ASB1: variants seen among roughly 807,000 people sequenced by gnomAD.
ASB1 encodes ankyrin repeat and SOCS box protein 1.
In ASB1, 18 loss-of-function variants were observed where a neutral mutation model predicts 27.7. The observed-to-expected ratio is 0.65, with a 90% CI of 0.45 to 0.96. The LOEUF is 0.96. Ranked by LOEUF, ASB1 falls within the 50% of genes least tolerant of loss-of-function variation. ASB1 has a pLI of 0.00. For synonymous variants in ASB1, 189 were observed against 187.6 expected, an observed-to-expected ratio of 1.01 and a Z score of -0.06; for missense variants, 397 against 451.7, an observed-to-expected ratio of 0.88 and a Z score of 1.10.
chr2:238,432,491 C>T (rs1173259826), intron 1 of ASB1, among the ~76,000 whole-genome samples: 2 of 152,142 alleles, frequency 1.3e-5, no homozygotes, highest in Non-Finnish European at 1.5e-5. Flanking sequence ...GTCAAGTGCA[C>T]CTGTCTGAGG....
chr2:238,444,076 A>G (rs568561085), intron 3 of ASB1, among the ~76,000 whole-genome samples: 1 of 152,314 alleles, frequency 6.6e-6, no homozygotes, highest in South Asian at 2.1e-4. Context: ...GAAATAGTTT[A>G]AATAGCCTTG....
In ASB1 at chr2:238,444,672, GAGAGGA is replaced by G. The variant is rs758826696; in HGVS notation, c.829_834del (p.Gly277_Arg278del). On this transcript the variant is annotated inframe_deletion, in exon 4 of 5. Coordinates refer to ENST00000264607, the MANE Select transcript of ASB1 (RefSeq NM_001040445.3). The stretch of plus-strand genomic sequence containing the variant: ...AGTGGGAATCGCTGGGCCCAGAGTC[GAGAGGA>G]AGAAGAAAAGTGGACCCTGAGGCCT... The G allele has an allele frequency of 6.2e-7, 1 of 1,614,108 alleles. No homozygotes were observed. The highest frequency in any genetic ancestry group is 1.3e-5 in the African/African-American group (1 of 75,026).
intron 1 of ASB1, among the ~76,000 whole-genome samples, chr2:238,429,249 G>C (rs1370789369): frequency 8.5e-5 from 13 of 152,212 alleles, no homozygotes; most frequent in Admixed American, 7.9e-4. Context: ...ATACCTGCCT[G>C]TCTGGTCTCA....
chr2:238,436,473 T>G (rs1252359244), intron 3 of ASB1, among the ~76,000 whole-genome samples: 1 of 152,182 alleles, frequency 6.6e-6, no homozygotes, highest in Non-Finnish European at 1.5e-5. Context: ...GGGGATTCTT[T>G]GACGTAAAAA....
chr2:238,432,233 A>T (rs1033906225), intron 1 of ASB1, among the ~76,000 whole-genome samples: 2 of 152,170 alleles, frequency 1.3e-5, no homozygotes, highest in African/African-American at 4.8e-5. Context: ...CTTCTCCCTT[A>T]TATTTTAAAA....
rs1187271823 is a variant in ASB1 at position 238,429,756 on chromosome 2, C to T, written c.49+2637C>T. On this transcript the variant is annotated intron_variant, in intron 1 of 4. Transcript: ENST00000264607. Reference sequence around the variant, plus strand: ...GATCATCCTGGCTAACATGGTGAAACCCCTTCTCTACTAAAAATACACACA... The same window carrying T: ...GATCATCCTGGCTAACATGGTGAAATCCCTTCTCTACTAAAAATACACACA... Among the ~76,000 whole-genome samples the T allele has an allele frequency of 2.0e-5, 3 of 152,082 alleles. No homozygotes were observed. In the South Asian group the frequency reaches 6.2e-4, roughly 32 times the overall value.
At chr2:238,443,009 A>C (rs507812) in intron 3 of ASB1, among the ~76,000 whole-genome samples, 86,805 of 152,054 alleles carry the variant, frequency 0.57, 26,724 homozygotes, top group Non-Finnish European at 0.7. Context: ...TCTTTTTCAT[A>C]TTCTTTCATC....
At chr2:238,444,246 T>A (rs1702132856) in intron 3 of ASB1, 96 bp from the exon 4 acceptor site, 10 of 1,422,632 alleles carry the variant, frequency 7.0e-6, no homozygotes, top group Non-Finnish European at 9.5e-6. Context: ...ATCAAGGCCT[T>A]CTGCTCAGGG....
chr2:238,430,121 G>A (rs1368183510), intron 1 of ASB1, among the ~76,000 whole-genome samples: 1 of 152,194 alleles, frequency 6.6e-6, no homozygotes, highest in Non-Finnish European at 1.5e-5. Flanking sequence ...GGGGGCTATG[G>A]TAATTCTTAG....
At position 238,448,439 on chromosome 2, in the gene ASB1, T is replaced by G. The variant is rs1160659726; in HGVS notation, c.*1928T>G. 6.6e-6 allele frequency: 1 copy of G among 152,300 alleles called. No individual in the cohort carries two copies. The highest frequency in any genetic ancestry group is 1.5e-5 in the Non-Finnish European group (1 of 68,110). The allele number at this position is 152,300 out of a possible 1,614,324, so 9.4% of individuals were successfully genotyped here. A position where few individuals can be genotyped will look rare whatever the true frequency, so the allele number is the denominator to read the frequency against. The stretch of plus-strand genomic sequence containing the variant: ...GATAGGGGCTTTCAGGGAGGCTGGT[T>G]AGCTCCCTGCACTCTGGCTCTTTAC... On this transcript the variant is annotated 3_prime_UTR_variant, in exon 5 of 5. Coordinates refer to ENST00000264607, the MANE Select transcript of ASB1 (RefSeq NM_001040445.3).
In ASB1 at chr2:238,426,982, C is replaced by A; in HGVS notation, c.-89C>A. ...GCGACCCCGACGCGCCCCCCATTGC[C>A]CTCGGCGCCGGAAGTGGTCGCGGGT... On this transcript the variant is annotated 5_prime_UTR_variant, in exon 1 of 5. Transcript: ENST00000264607. The A allele has an allele frequency of 9.1e-7, 1 of 1,096,458 alleles. No homozygotes were observed. Among genetic ancestry groups the A allele is most frequent in the Non-Finnish European group, 1.2e-6 (1 of 867,030 alleles). The allele number at this position is 1,096,458 out of a possible 1,614,324, so 67.9% of individuals were successfully genotyped here.
At chr2:238,443,499 T>G (rs986912115) in intron 3 of ASB1, among the ~76,000 whole-genome samples, 2 of 152,224 alleles carry the variant, frequency 1.3e-5, no homozygotes, top group African/African-American at 4.8e-5. Context: ...ATGCATTTAA[T>G]TTCTTCCTCT....
At chr2:238,429,228 G>C (rs542647973) in intron 1 of ASB1, among the ~76,000 whole-genome samples, 1 of 152,306 alleles carries the variant, frequency 6.6e-6, no homozygotes, top group East Asian at 1.9e-4. Flanking sequence ...CCCTTATGGA[G>C]GGGGTGCTTT....
Position 238,427,052 on chromosome 2 carries a change from C to CGCGGAG in ASB1, c.-13_-8dup. On this transcript the variant is annotated 5_prime_UTR_variant, in exon 1 of 5. Transcript: ENST00000264607. ...GGGGCGTGCGCGGGTCAGGGGCGGC[C>CGCGGAG]GCGGAGGCGGAAGCATCCATGGCGG... 3.2e-6 allele frequency: 4 copies of CGCGGAG among 1,259,784 alleles called. No individual in the cohort carries two copies. Among genetic ancestry groups the CGCGGAG allele is most frequent in the Non-Finnish European group, 4.0e-6 (4 of 1,003,288 alleles). 78.0% of individuals were successfully genotyped at this position (1,259,784 alleles called of 1,614,324 possible). A position where few individuals can be genotyped will look rare whatever the true frequency, so the allele number is the denominator to read the frequency against.
intron 1 of ASB1, among the ~76,000 whole-genome samples, chr2:238,432,750 T>G (rs1013726614): frequency 6.6e-6 from 1 of 152,162 alleles, no homozygotes; most frequent in African/African-American, 2.4e-5. Context: ...CTTTTTTCTT[T>G]TTCTTTTTTT....
In ASB1 at chr2:238,448,722, G is replaced by A. The variant is rs1169134665; in HGVS notation, c.*2211G>A. The A allele has an allele frequency of 6.6e-6, 1 of 152,492 alleles. No individual in the cohort carries two copies. Among genetic ancestry groups the A allele is most frequent in the African/African-American group, 2.4e-5 (1 of 41,470 alleles). The allele number at this position is 152,492 out of a possible 1,614,324, so 9.4% of individuals were successfully genotyped here. On this transcript the variant is annotated 3_prime_UTR_variant, in exon 5 of 5. Coordinates refer to ENST00000264607, the MANE Select transcript of ASB1 (RefSeq NM_001040445.3). The stretch of plus-strand genomic sequence containing the variant: ...GCTGCCTCGTGGGAGTCCCATGCGT[G>A]AGTGTGGTGGTGTGACCTTCAGGCT...
Position 238,428,782 on chromosome 2 carries a change from A to G in ASB1, c.49+1663A>G, listed in dbSNP as rs1011481604. On this transcript the variant is annotated intron_variant, in intron 1 of 4. Coordinates refer to ENST00000264607, the MANE Select transcript of ASB1 (RefSeq NM_001040445.3). ...TGCTTTTGAATCTGGAGCTGGGGAA[A>G]GATTCTGAGTCTACTTTGAGCAGGG... Among the ~76,000 whole-genome samples, 3 of 152,310 alleles carry G rather than the reference A, an allele frequency of 2.0e-5. No homozygotes were observed. The South Asian group carries it at 6.2e-4, about 32-fold the overall frequency.
chr2:238,446,220 C>T (rs1044279108), intron 4 of ASB1, among the ~76,000 whole-genome samples, 164 bp from the exon 5 acceptor site: 1 of 152,226 alleles, frequency 6.6e-6, no homozygotes, highest in African/African-American at 2.4e-5. Context: ...GCCTGCTCTC[C>T]TCATCCATCA....
chr2:238,428,801 A>T (rs1028172937), intron 1 of ASB1, among the ~76,000 whole-genome samples: 2 of 152,314 alleles, frequency 1.3e-5, no homozygotes, highest in African/African-American at 4.8e-5. Context: ...GTCTACTTTG[A>T]GCAGGGCCAG....
Sources: gnomAD v4.1 joint callset for allele counts (sites outside exome capture counted in the v4.1 genomes callset) on GRCh38, gnomAD v4.1.1 for gene constraint, MANE v1.5 for transcripts, NCBI Gene and HGNC (gene_info 2026-07-23, HGNC 2026-07-21) for gene names.